The following MED12L variants were observed in gnomAD, a reference collection of about 807,000 sequenced individuals.
MED12L encodes the protein mediator complex subunit 12L.
Under a neutral mutation model 281.3 loss-of-function variants are expected in MED12L, and 60 were observed. The ratio of observed to expected loss-of-function variants is 0.21; its 90% CI spans 0.17 to 0.26. MED12L has a LOEUF of 0.26. Ranked by LOEUF, MED12L falls within the 10% of genes least tolerant of loss-of-function variation. The pLI is 1.00. For synonymous variants in MED12L, 974 were observed against 987.2 expected (o/e 0.99, Z 0.25); for missense variants, 2,146 against 2,680.9 (o/e 0.80, Z 4.41).
chr3:151,354,981 T>C (rs752659593), intron 17 of MED12L, 140 bp from the exon 18 acceptor site: 52 of 680,112 alleles, frequency 7.6e-5, no homozygotes, highest in Non-Finnish European at 1.1e-4. Context: ...TCAAGTCTTA[T>C]TGTGTATTTA....
At chr3:151,265,307 T>TACGG (rs1269598807) in intron 16 of MED12L, among the ~76,000 whole-genome samples, 1 of 152,088 alleles carries the variant, frequency 6.6e-6, no homozygotes, top group African/African-American at 2.4e-5. Context: ...CTTTTAAAGT[T>TACGG]AAAGAGATCA....
At chr3:151,349,956 C>T (rs183666747) in intron 16 of MED12L, 103 bp from the exon 17 acceptor site, 127 of 1,072,546 alleles carry the variant, frequency 1.2e-4, no homozygotes, top group Non-Finnish European at 1.5e-4. Flanking sequence ...ATGCCACCAC[C>T]GCAAGCCAGC....
intron 2 of MED12L, among the ~76,000 whole-genome samples, chr3:151,105,001 A>G (rs1396364648): frequency 6.6e-6 from 1 of 152,174 alleles, no homozygotes; most frequent in African/African-American, 2.4e-5. Flanking sequence ...TTTCCAAAGA[A>G]TGTCCCATGC....
At chr3:151,216,511 C>G (rs1728256180) in intron 16 of MED12L, among the ~76,000 whole-genome samples, 1 of 152,190 alleles carries the variant, frequency 6.6e-6, no homozygotes, top group Non-Finnish European at 1.5e-5. Context: ...TATCTTGTTT[C>G]TGCGTATTTT....
At chr3:151,161,985 A>T (rs1444854165) in intron 8 of MED12L, among the ~76,000 whole-genome samples, 1 of 152,190 alleles carries the variant, frequency 6.6e-6, no homozygotes, top group African/African-American at 2.4e-5. Flanking sequence ...TCGAGGAGTG[A>T]TGGAGAATAA....
intron 16 of MED12L, among the ~76,000 whole-genome samples, chr3:151,313,098 C>T (rs1045298487): frequency 7.2e-5 from 11 of 152,138 alleles, no homozygotes; most frequent in African/African-American, 2.4e-4. Flanking sequence ...AGAGCTTGCC[C>T]TCATTAACAC....
chr3:151,173,212 A>G (rs1414554428), intron 11 of MED12L, among the ~76,000 whole-genome samples: 1 of 151,976 alleles, frequency 6.6e-6, no homozygotes. Flanking sequence ...TTTTTAAAAA[A>G]TCTTTTACTT....
chr3:151,222,302 C>CT (rs71138489), intron 16 of MED12L, among the ~76,000 whole-genome samples: 105,620 of 152,028 alleles, frequency 0.69, 36,891 homozygotes, highest in African/African-American at 0.75. Context: ...TGAATTGAGA[C>CT]TTGGGGGACT....
chr3:151,267,546 C>T (rs1740067575), intron 16 of MED12L, among the ~76,000 whole-genome samples: 1 of 152,126 alleles, frequency 6.6e-6, no homozygotes, highest in Admixed American at 6.5e-5. Flanking sequence ...GAGCCTCGGT[C>T]CTTGCTTAGA....
intron 12 of MED12L, among the ~76,000 whole-genome samples, chr3:151,185,930 G>A (rs1022733636): frequency 7.9e-5 from 12 of 152,130 alleles, no homozygotes; most frequent in South Asian, 2.1e-4. Flanking sequence ...TGAAATATGC[G>A]TACACAAAAC....
intron 16 of MED12L, among the ~76,000 whole-genome samples, chr3:151,242,045 C>T (rs1365294531): frequency 2.0e-5 from 3 of 152,146 alleles, no homozygotes; most frequent in South Asian, 2.1e-4. Flanking sequence ...CACTCCCACC[C>T]GAATACTGCG....
chr3:151,107,599 A>G (rs773389624), intron 2 of MED12L, among the ~76,000 whole-genome samples: 4 of 152,288 alleles, frequency 2.6e-5, no homozygotes, highest in South Asian at 2.1e-4. Flanking sequence ...GGCATGATGT[A>G]AGGCTTAGAG....
chr3:151,319,468 CGTGTGTGTGTGT>C (rs34335179), intron 16 of MED12L, among the ~76,000 whole-genome samples: 9,744 of 145,620 alleles, frequency 0.067, 1,050 homozygotes, highest in African/African-American at 0.23. Flanking sequence ...TGTGTGTGTG[CGTGTGTGTGTGT>C]GTGTGTGTGT....
At chr3:151,261,171 A>G (rs938763485) in intron 16 of MED12L, among the ~76,000 whole-genome samples, 3 of 152,144 alleles carry the variant, frequency 2.0e-5, no homozygotes, top group Non-Finnish European at 4.4e-5. Flanking sequence ...ACTGTTCCCC[A>G]TTCTCTTTTG....
chr3:151,345,522 T>TC (rs1245159670), intron 16 of MED12L, among the ~76,000 whole-genome samples: 3 of 134,938 alleles, frequency 2.2e-5, no homozygotes, highest in Non-Finnish European at 5.0e-5. Flanking sequence ...TTTTTCTTTT[T>TC]TTTTTTTTTT....
chr3:151,137,530 G>A (rs966142737), intron 5 of MED12L, among the ~76,000 whole-genome samples: 1 of 152,208 alleles, frequency 6.6e-6, no homozygotes, highest in African/African-American at 2.4e-5. Context: ...GGGATGTTGT[G>A]TCTAGGCCCC....
Position 151,129,694 on chromosome 3 carries a change from T to C in MED12L, c.556+1710T>C, listed in dbSNP as rs1459827120. Among the ~76,000 whole-genome samples, 5 of 147,232 alleles carry C rather than the reference T, an allele frequency of 3.4e-5. No homozygotes were observed. The Admixed American group carries it at 3.5e-4, about 10-fold the overall frequency. On this transcript the variant is annotated intron_variant, in intron 5 of 44. Transcript: ENST00000687756. ...GCAAAGTTCAGCCTTCACACACACA[T>C]ATTTCTTCATATATCTACATTTGTG...
rs571847189 is a variant in MED12L, at chr3:151,164,847, T to A, written c.1258-573T>A. ...AAGGGGAACATCACACACCGGGGCC[T>A]GTTGTGGGGTGGGGGTAGGGGGTAG... is the stretch of plus-strand genomic sequence containing the variant. On this transcript the variant is annotated intron_variant, in intron 9 of 44. Coordinates refer to ENST00000687756, the MANE Select transcript of MED12L (RefSeq NM_001393769.1). 2.6e-5 allele frequency among the ~76,000 whole-genome samples: 4 copies of A among 151,486 alleles called. No homozygotes were observed. The East Asian group carries it at 7.8e-4, about 29-fold the overall frequency.
chr3:151,319,476 T>C (rs938462257), intron 16 of MED12L, among the ~76,000 whole-genome samples: 88 of 74,160 alleles, frequency 1.2e-3, no homozygotes, highest in African/African-American at 3.1e-3. Context: ...TGCGTGTGTG[T>C]GTGTGTGTGT....
Sources: gnomAD v4.1 joint callset for allele counts (sites outside exome capture counted in the v4.1 genomes callset) on GRCh38, gnomAD v4.1.1 for gene constraint, MANE v1.5 for transcripts, NCBI Gene and HGNC (gene_info 2026-07-23, HGNC 2026-07-21) for gene names.